VGLL4: variants seen among roughly 807,000 people sequenced by gnomAD.
The protein encoded by VGLL4 is vestigial like family member 4, also known as transcription cofactor vestigial-like protein 4.
A neutral mutation model predicts 21.0 loss-of-function variants in VGLL4; 7 were observed. The ratio of observed to expected loss-of-function variants is 0.33; its 90% CI spans 0.19 to 0.63. The LOEUF (loss-of-function observed/expected upper bound fraction) is 0.63, where lower values mean the gene tolerates loss of function less well. Ranked by LOEUF, VGLL4 falls within the 20% of genes least tolerant of loss-of-function variation. VGLL4 has a pLI of 0.78. For missense variants in VGLL4, 394 were observed against 425.7 expected (o/e 0.93, Z 0.66); for synonymous variants, 222 against 173.2 (o/e 1.28, Z -2.21).
At chr3:11,629,765 A>G (rs1218663130) in intron 1 of VGLL4, among the ~76,000 whole-genome samples, 1 of 151,828 alleles carries the variant, frequency 6.6e-6, no homozygotes, top group African/African-American at 2.4e-5. Flanking sequence ...AAAAAAAAAA[A>G]AAGAATCCAC....
In VGLL4 at chr3:11,717,490, A is replaced by ATTTTTTTTTTTTTTTT. The variant is rs60921966; in HGVS notation, c.-14+2888_-14+2903dup. Reference sequence around the variant, plus strand: ...AGTTAAGAGGAATTTCCCACTACAGATTTTTTTTTTTTTTTTTTTTTTTTG... The same window carrying ATTTTTTTTTTTTTTTT: ...AGTTAAGAGGAATTTCCCACTACAGATTTTTTTTTTTTTTTTTTTTTTTTTTTTTTTTTTTTTTTTG... On this transcript the variant is annotated intron_variant, in intron 1 of 5. Coordinates refer to the VGLL4 transcript ENST00000273038. Among the ~76,000 whole-genome samples, 11 of 72,948 alleles carry ATTTTTTTTTTTTTTTT rather than the reference A, an allele frequency of 1.5e-4. 1 individual carries two copies. Among genetic ancestry groups the ATTTTTTTTTTTTTTTT allele is most frequent in the African/African-American group, 6.5e-4 (10 of 15,384 alleles). The allele number at this position is 72,948 out of a possible 152,430, so 47.9% of individuals were successfully genotyped here.
chr3:11,661,892 G>A (rs1471224963), intron 2 of VGLL4, among the ~76,000 whole-genome samples: 1 of 152,194 alleles, frequency 6.6e-6, no homozygotes. Context: ...GGGAAGAAAT[G>A]AAGTTCAAGA....
intron 1 of VGLL4, among the ~76,000 whole-genome samples, chr3:11,705,656 C>G (rs1207673716): frequency 2.0e-5 from 3 of 152,250 alleles, no homozygotes; most frequent in Non-Finnish European, 2.9e-5. Context: ...AGGTAATATT[C>G]TCTTCACCCA....
At chr3:11,698,650 C>T (rs2076637418) in intron 2 of VGLL4, among the ~76,000 whole-genome samples, 4 of 152,218 alleles carry the variant, frequency 2.6e-5, no homozygotes, top group Admixed American at 2.6e-4. Context: ...TTACCCTAGA[C>T]ACTGATTACA....
chr3:11,706,499 T>C (rs1478198787), intron 1 of VGLL4, among the ~76,000 whole-genome samples: 2 of 152,222 alleles, frequency 1.3e-5, no homozygotes, highest in Admixed American at 1.3e-4. Context: ...AGACTAAATA[T>C]TATTTAAAAC....
chr3:11,685,200 GTTTT>G (rs34267340), intron 2 of VGLL4, among the ~76,000 whole-genome samples: 1,457 of 132,424 alleles, frequency 0.011, 22 homozygotes, highest in African/African-American at 0.037. Flanking sequence ...CCATGGTGTT[GTTTT>G]TTTTTTTTTT....
chr3:11,570,782 GTCC>G (rs951167895), intron 2 of VGLL4, among the ~76,000 whole-genome samples: 6 of 152,118 alleles, frequency 3.9e-5, no homozygotes, highest in African/African-American at 1.4e-4. Context: ...AACTTCTGTT[GTCC>G]TCCTCACCTC....
chr3:11,643,948 T>G, upstream of VGLL4: 1 of 992,756 alleles, frequency 1.0e-6, no homozygotes, highest in African/African-American at 1.7e-5. Context: ...CCGCTTCCTC[T>G]TCCCGCAGGA....
intron 2 of VGLL4, among the ~76,000 whole-genome samples, chr3:11,590,682 G>C (rs78403668): frequency 0.53 from 79,152 of 149,218 alleles, 22,927 homozygotes; most frequent in Non-Finnish European, 0.67. Context: ...GTGTGTGTGT[G>C]TGTGTGTGTG....
chr3:11,588,292 G>GGACAGGGAAGGGGACA (rs1264138232), intron 2 of VGLL4, among the ~76,000 whole-genome samples: 1 of 152,160 alleles, frequency 6.6e-6, no homozygotes, highest in African/African-American at 2.4e-5. Flanking sequence ...ACAGACAGCT[G>GGACAGGGAAGGGGACA]GACACCCAAC....
intron 2 of VGLL4, among the ~76,000 whole-genome samples, chr3:11,670,760 A>G (rs2076197884): frequency 6.6e-6 from 1 of 152,188 alleles, no homozygotes; most frequent in Non-Finnish European, 1.5e-5. Flanking sequence ...GTGGTGGGCC[A>G]GGCACAGTGA....
At chr3:11,585,298 T>G (rs1338864867) in intron 2 of VGLL4, among the ~76,000 whole-genome samples, 7 of 152,146 alleles carry the variant, frequency 4.6e-5, no homozygotes, top group Middle Eastern at 3.4e-3. Flanking sequence ...TAGCCTCATG[T>G]GGTGGCGCAT....
chr3:11,617,276 G>C (rs1233603264), intron 1 of VGLL4, among the ~76,000 whole-genome samples: 1 of 152,160 alleles, frequency 6.6e-6, no homozygotes, highest in Admixed American at 6.5e-5. Flanking sequence ...TTGTGCGAGA[G>C]CAATGGGACT....
At chr3:11,717,733 G>A (rs2076939160) in intron 1 of VGLL4, among the ~76,000 whole-genome samples, 1 of 152,058 alleles carries the variant, frequency 6.6e-6, no homozygotes, top group Non-Finnish European at 1.5e-5. Context: ...AAATCAGTTG[G>A]GGGATAGCAG....
chr3:11,642,119 C>CA (rs1454704304), intron 1 of VGLL4, among the ~76,000 whole-genome samples: 1 of 151,796 alleles, frequency 6.6e-6, no homozygotes, highest in Non-Finnish European at 1.5e-5. Flanking sequence ...TTTCTAAAGT[C>CA]GGCTGCCTTT....
Position 11,565,068 on chromosome 3 carries a change from G to A in VGLL4, c.273-49C>T, listed in dbSNP as rs1457965681. The A allele has an allele frequency of 2.1e-6, 3 of 1,445,186 alleles. No individual in the cohort carries two copies. Among genetic ancestry groups the A allele is most frequent in the Middle Eastern group, 1.8e-4 (1 of 5,488 alleles). The allele number at this position is 1,445,186 out of a possible 1,614,324, so 89.5% of individuals were successfully genotyped here. On this transcript the variant is annotated intron_variant, in intron 2 of 4. Transcript: ENST00000430365. The surrounding 1 kb of genome is among the most constrained non-coding windows in gnomAD (Gnocchi z 4.1). ...AGGGGGCGTTTTCTCAAAGGCAAAGGGGACAGTGACTGTGCGCCAGGCACT... is the reference window on the plus strand; with the variant it reads ...AGGGGGCGTTTTCTCAAAGGCAAAGAGGACAGTGACTGTGCGCCAGGCACT...
At chr3:11,564,699 T>A in intron 3 of VGLL4, 98 bp downstream of exon 3, 2 of 1,312,690 alleles carry the variant, frequency 1.5e-6, no homozygotes, top group African/African-American at 1.5e-5. Context: ...CCTCCCTCCC[T>A]CACCACCGCC....
intron 3 of VGLL4, among the ~76,000 whole-genome samples, chr3:11,561,603 C>T (rs747155649): frequency 1.3e-5 from 2 of 152,198 alleles, no homozygotes; most frequent in South Asian, 2.1e-4. Flanking sequence ...GGCTGGGACT[C>T]GTCCACCTAG....
chr3:11,641,383 C>G (rs2075685646), intron 1 of VGLL4, among the ~76,000 whole-genome samples: 1 of 152,112 alleles, frequency 6.6e-6, no homozygotes, highest in African/African-American at 2.4e-5. Flanking sequence ...TGCTGGGGAG[C>G]TGATATGTTT....
Sources: allele counts gnomAD v4.1 joint callset (sites outside exome capture counted in the v4.1 genomes callset), GRCh38; gene constraint gnomAD v4.1.1; non-coding constraint Gnocchi (gnomAD v3.1); transcripts MANE v1.5; gene names NCBI Gene and HGNC (gene_info 2026-07-23, HGNC 2026-07-21).